Variants in TDRD9 observed in about 807,000 individuals in gnomAD.
TDRD9 encodes the protein ATP-dependent RNA helicase TDRD9.
Under a neutral mutation model 172.6 loss-of-function variants are expected in TDRD9, and 124 were observed. That is an observed-to-expected ratio of 0.72 (90% CI 0.62 to 0.83). The LOEUF (loss-of-function observed/expected upper bound fraction) is 0.83. TDRD9 is among the 40% of genes least tolerant of loss of function. The pLI, the probability that TDRD9 is intolerant of heterozygous loss-of-function variation, is 0.00. For synonymous variants in TDRD9, 619 were observed against 617.1 expected (o/e 1.00, Z -0.05); for missense variants, 1,479 against 1,714.1 (o/e 0.86, Z 2.42).
At position 104,033,954 on chromosome 14, in the gene TDRD9, T is replaced by A. The variant is rs1477017035; in HGVS notation, c.3510-6T>A. ...CACCCCATCTCCTGGTGCTCCTGCCTTTTAGGTGTGTTTGGATTGAGAAGG... is the reference window on the plus strand; with the variant it reads ...CACCCCATCTCCTGGTGCTCCTGCCATTTAGGTGTGTTTGGATTGAGAAGG... On this transcript the variant is annotated splice_polypyrimidine_tract_variant and splice_region_variant and intron_variant, in intron 30 of 35. Coordinates refer to ENST00000409874, the MANE Select transcript of TDRD9 (RefSeq NM_153046.3). 4 of 1,539,562 alleles carry A rather than the reference T, an allele frequency of 2.6e-6. No homozygotes were observed. In the Admixed American group the frequency reaches 7.9e-5, roughly 30 times the overall value.
In TDRD9 at chr14:103,985,476, C is replaced by T. The variant is rs2033627465; in HGVS notation, c.1012-741C>T. Among the ~76,000 whole-genome samples, 3 of 152,148 alleles carry T rather than the reference C, an allele frequency of 2.0e-5. No homozygotes were observed. The South Asian group carries it at 6.2e-4, about 32-fold the overall frequency. ...ATGTGGAACTGTAAGTCCAGTAAAC[C>T]TCTTTCTTTTGTAAATTGCCCAGTC... On this transcript the variant is annotated intron_variant, in intron 7 of 35. Transcript: ENST00000409874.
At chr14:103,942,371 A>G (rs549890941) in intron 1 of TDRD9, 6 of 152,376 alleles carry the variant, frequency 3.9e-5, no homozygotes, top group African/African-American at 1.4e-4. Context: ...TTCACAAGTT[A>G]TATAATGGTC....
chr14:104,005,392 T>G lies in TDRD9; in HGVS notation c.1700T>G (p.Leu567Arg). 6.2e-7 allele frequency: 1 copy of G among 1,613,934 alleles called. No individual in the cohort carries two copies. Among genetic ancestry groups the G allele is most frequent in the Non-Finnish European group, 8.5e-7 (1 of 1,179,860 alleles). Reference sequence around the variant, plus strand: ...CTGAGTGACATTGAGCGCACCATCCTTCTACTAAAGGAGGTAGGACTGCCT... The same window carrying G: ...CTGAGTGACATTGAGCGCACCATCCGTCTACTAAAGGAGGTAGGACTGCCT... ...PGLSDIERTI[L>R]LLKEVGALAV... Residue 567 changes from leucine to arginine, a missense_variant, in exon 15 of 36, where the codon CTT (leucine) becomes CGT (arginine). Leu to Arg is a moderately radical substitution (Grantham distance 102, BLOSUM62 -2). Transcript: ENST00000409874.
rs2152223595 is a variant in TDRD9, at chr14:104,009,864, C to T, written c.2106+1398C>T. 1.3e-5 allele frequency among the ~76,000 whole-genome samples: 2 copies of T among 152,042 alleles called. 1 individual carries two copies. Among genetic ancestry groups the T allele is most frequent in the South Asian group, 4.1e-4 (2 of 4,824 alleles). ...CATAGAAGCCTTGACTTCCTGGGCT[C>T]AAGCAATTCTCCTGCCTCAGCCTCT... On this transcript the variant is annotated intron_variant, in intron 20 of 35. Coordinates refer to ENST00000409874, the MANE Select transcript of TDRD9 (RefSeq NM_153046.3).
chr14:104,048,801 G>A (rs368750935), intron 34 of TDRD9, among the ~76,000 whole-genome samples: 6 of 152,208 alleles, frequency 3.9e-5, no homozygotes, highest in African/African-American at 1.4e-4. Context: ...GGAAAGCTAT[G>A]GGCTTTCCCC....
chr14:104,003,004 C>T (rs1306035650), intron 13 of TDRD9, among the ~76,000 whole-genome samples: 3 of 152,148 alleles, frequency 2.0e-5, no homozygotes, highest in Non-Finnish European at 4.4e-5. Context: ...GCTGGGATTA[C>T]AGGTGTAGGC....
chr14:103,950,154 A>G (rs1315933830), intron 1 of TDRD9, among the ~76,000 whole-genome samples: 2 of 136,330 alleles, frequency 1.5e-5, no homozygotes, highest in African/African-American at 2.8e-5. Flanking sequence ...CCGTGGCGCA[A>G]TCTCAGCTCA....
At chr14:103,963,904 G>A (rs1296514598) in intron 3 of TDRD9, among the ~76,000 whole-genome samples, 1 of 152,142 alleles carries the variant, frequency 6.6e-6, no homozygotes. Flanking sequence ...AGTTTAGAGT[G>A]GAGGTCGGGG....
At chr14:103,947,051 T>C (rs993863896) in intron 1 of TDRD9, among the ~76,000 whole-genome samples, 1 of 152,144 alleles carries the variant, frequency 6.6e-6, no homozygotes, top group Non-Finnish European at 1.5e-5. Context: ...GAAATTCATA[T>C]GGAATGTCAA....
chr14:103,944,573 C>CT (rs561034555), intron 1 of TDRD9, among the ~76,000 whole-genome samples: 1,961 of 97,482 alleles, frequency 0.02, 62 homozygotes, highest in African/African-American at 0.067. Context: ...GCCCCCCACC[C>CT]TTTTTTTTTT....
chr14:103,982,780 A>C (rs910528841), intron 7 of TDRD9, among the ~76,000 whole-genome samples: 14 of 152,252 alleles, frequency 9.2e-5, no homozygotes, highest in African/African-American at 3.4e-4. Flanking sequence ...ACACGCCTGT[A>C]ATCCCAGCTA....
Position 103,928,677 on chromosome 14 carries a change from T to C in TDRD9, c.168T>C (p.Ala56=). 2 of 1,225,854 alleles carry C rather than the reference T, an allele frequency of 1.6e-6. No homozygotes were observed. The highest frequency in any genetic ancestry group is 2.1e-6 in the Non-Finnish European group (2 of 973,878). 75.9% of individuals were successfully genotyped at this position (1,225,854 alleles called of 1,614,324 possible). Residue 56 remains alanine, a synonymous_variant, in exon 1 of 36, where the codon GCT becomes GCC. Transcript: ENST00000409874. ...CCGGCGCTGGTCCCGCGGCCCAGGC[T>C]CCGGCTCTGGCCCAAGCTCCGGCCC... is the stretch of plus-strand genomic sequence containing the variant. ...VAPGAGPAAQ[A]PALAQAPARP... is the part of the protein sequence containing the mutation.
intron 28 of TDRD9, among the ~76,000 whole-genome samples, chr14:104,028,406 T>C (rs1402953802): frequency 6.6e-6 from 1 of 152,220 alleles, no homozygotes; most frequent in Non-Finnish European, 1.5e-5. Context: ...ATGCTATCTC[T>C]CACGATGGTT....
At chr14:104,007,772 G>A (rs2034490190) in intron 19 of TDRD9, among the ~76,000 whole-genome samples, 1 of 151,642 alleles carries the variant, frequency 6.6e-6, no homozygotes, top group Non-Finnish European at 1.5e-5. Context: ...TATGAGTTAG[G>A]TGTTTAAAGT....
chr14:103,959,455 C>CGTGTGTGTGT (rs151216232), intron 2 of TDRD9, among the ~76,000 whole-genome samples: 2,015 of 144,056 alleles, frequency 0.014, 25 homozygotes, highest in East Asian at 0.024. Flanking sequence ...GTCAGGTTAT[C>CGTGTGTGTGT]GTGTGTGTGT....
intron 5 of TDRD9, among the ~76,000 whole-genome samples, chr14:103,969,930 G>A (rs1489053963): frequency 6.6e-6 from 1 of 152,090 alleles, no homozygotes; most frequent in Non-Finnish European, 1.5e-5. Context: ...TGCTGTCCCC[G>A]AGTGTCAGTG....
chr14:103,978,884 A>G (rs1275627693), intron 7 of TDRD9, among the ~76,000 whole-genome samples: 1 of 152,192 alleles, frequency 6.6e-6, no homozygotes, highest in Non-Finnish European at 1.5e-5. Context: ...TAACTAGCAT[A>G]TCTATTGTAT....
intron 8 of TDRD9, among the ~76,000 whole-genome samples, chr14:103,990,575 G>C (rs993813828): frequency 1.1e-4 from 17 of 152,140 alleles, no homozygotes; most frequent in Admixed American, 6.5e-5. Flanking sequence ...AAGGTGCCTT[G>C]TCTGTTTTCT....
intron 5 of TDRD9, 38 bp downstream of exon 5, chr14:103,966,869 C>A: frequency 6.6e-7 from 1 of 1,519,746 alleles, no homozygotes. Flanking sequence ...TCATATTTAT[C>A]TCTCTTAAAA....
Sources: allele counts gnomAD v4.1 joint callset (sites outside exome capture counted in the v4.1 genomes callset), GRCh38; gene constraint gnomAD v4.1.1; transcripts MANE v1.5; gene names NCBI Gene and HGNC (gene_info 2026-07-23, HGNC 2026-07-21).